AMPH: variants seen among roughly 807,000 people sequenced by gnomAD.
AMPH encodes the protein amphiphysin (Stiff-Mann syndrome with breast cancer 128kD autoantigen).
In AMPH, 49 loss-of-function variants were observed where a neutral mutation model predicts 99.1. The ratio of observed to expected loss-of-function variants is 0.49; its 90% CI spans 0.39 to 0.63. AMPH has a LOEUF of 0.63. Ranked by LOEUF, AMPH falls within the 20% of genes least tolerant of loss-of-function variation. The pLI is 0.00. For synonymous variants in AMPH, 314 were observed against 317.3 expected (o/e 0.99, Z 0.11); for missense variants, 759 against 863.4 (o/e 0.88, Z 1.52).
rs571116764 is a variant in AMPH at position 38,627,140 on chromosome 7, C to G, written c.69+4143G>C. ...GGCTCATGACTCAGGCCCAATTCAA[C>G]CAGTCCAACCCGTGGTCTTGGCCCT... On this transcript the variant is annotated intron_variant, in intron 1 of 20. Transcript: ENST00000356264. 1.7e-4 allele frequency among the ~76,000 whole-genome samples: 26 copies of G among 152,202 alleles called. No homozygotes were observed. The South Asian group carries it at 5.2e-3, about 30-fold the overall frequency.
chr7:38,476,753 G>T, intron 6 of AMPH, 109 bp downstream of exon 6: 1 of 711,786 alleles, frequency 1.4e-6, no homozygotes, highest in Non-Finnish European at 2.4e-6. Flanking sequence ...TTTAAATTCT[G>T]TTCAGATTCC....
chr7:38,616,259 A>G (rs1793869279), intron 1 of AMPH, among the ~76,000 whole-genome samples: 1 of 152,012 alleles, frequency 6.6e-6, no homozygotes, highest in Non-Finnish European at 1.5e-5. Context: ...TGTGAAATAT[A>G]TAAAGATAAA....
At chr7:38,528,434 T>C (rs1356344091) in intron 2 of AMPH, among the ~76,000 whole-genome samples, 1 of 152,190 alleles carries the variant, frequency 6.6e-6, no homozygotes, top group African/African-American at 2.4e-5. Context: ...ACTATTCAAA[T>C]TGTCTATTTC....
chr7:38,571,464 G>C (rs1792026872), intron 1 of AMPH, among the ~76,000 whole-genome samples: 2 of 116,520 alleles, frequency 1.7e-5, no homozygotes, highest in African/African-American at 6.7e-5. Context: ...AGAATATATG[G>C]AATATATTCT....
chr7:38,403,422 T>G (rs1409721617), intron 17 of AMPH, among the ~76,000 whole-genome samples: 1 of 152,208 alleles, frequency 6.6e-6, no homozygotes, highest in Admixed American at 6.5e-5. Context: ...AGAGCAGCAG[T>G]GGCCAGCTCC....
chr7:38,516,914 G>A (rs1217177540), intron 2 of AMPH, among the ~76,000 whole-genome samples: 2 of 152,198 alleles, frequency 1.3e-5, no homozygotes, highest in East Asian at 1.9e-4. Context: ...CTGCCTTGCT[G>A]GGTTTCAGAC....
intron 17 of AMPH, among the ~76,000 whole-genome samples, chr7:38,411,209 G>C (rs1054551941): frequency 2.0e-5 from 3 of 152,112 alleles, no homozygotes; most frequent in Non-Finnish European, 4.4e-5. Context: ...CCTATTTCAC[G>C]GGACTGCTGT....
At chr7:38,515,044 C>G (rs555047108) in intron 2 of AMPH, among the ~76,000 whole-genome samples, 80 of 152,166 alleles carry the variant, frequency 5.3e-4, no homozygotes, top group African/African-American at 1.8e-3. Flanking sequence ...TTAGAGATTA[C>G]TTAGGTGGTT....
In AMPH at chr7:38,628,737, T is replaced by C. The variant is rs553547956; in HGVS notation, c.69+2546A>G. 6.6e-5 allele frequency among the ~76,000 whole-genome samples: 10 copies of C among 152,358 alleles called. No individual in the cohort carries two copies. In the South Asian group the frequency reaches 1.5e-3, roughly 22 times the overall value. ...GTAAAATTTCCGAGTAGTAGAATTA[T>C]GTGCTTCGTAATTTGCTGGAGTTTT... On this transcript the variant is annotated intron_variant, in intron 1 of 20. Transcript: ENST00000356264.
At chr7:38,432,783 T>A (rs770495352) in intron 12 of AMPH, among the ~76,000 whole-genome samples, 1 of 152,128 alleles carries the variant, frequency 6.6e-6, no homozygotes, top group Non-Finnish European at 1.5e-5. Context: ...GAAAAATAGT[T>A]CTTCAATATG....
intron 3 of AMPH, among the ~76,000 whole-genome samples, chr7:38,502,046 C>A (rs1424221801): frequency 1.3e-5 from 2 of 152,072 alleles, no homozygotes; most frequent in Admixed American, 6.6e-5. Flanking sequence ...CTAATTTTCC[C>A]TTAGAGTTTT....
chr7:38,508,723 AT>A lies in AMPH; in HGVS notation c.151-5020del, dbSNP rs200205410. On this transcript the variant is annotated intron_variant, in intron 2 of 20. Coordinates refer to ENST00000356264, the MANE Select transcript of AMPH (RefSeq NM_001635.4). ...ATTATTATTTTTGGCCTTTGATGACATTTTTCTCTTGAAAATGGCTGAAGTA... is the reference window on the plus strand; with the variant it reads ...ATTATTATTTTTGGCCTTTGATGACATTTTCTCTTGAAAATGGCTGAAGTA... 1.3e-3 allele frequency among the ~76,000 whole-genome samples: 203 copies of A among 152,312 alleles called. 4 individuals are homozygous for A. In the East Asian group the frequency reaches 0.031, roughly 24 times the overall value.
chr7:38,490,912 C>T, intron 5 of AMPH, 138 bp downstream of exon 5: 4 of 570,070 alleles, frequency 7.0e-6, no homozygotes, highest in South Asian at 5.6e-5. Context: ...CATAAAAATC[C>T]CACGCTTAAA....
chr7:38,627,912 G>A (rs1052227693), intron 1 of AMPH, among the ~76,000 whole-genome samples: 3 of 152,064 alleles, frequency 2.0e-5, no homozygotes, highest in Non-Finnish European at 4.4e-5. Flanking sequence ...TCTGACACCT[G>A]CATGTAGCAG....
chr7:38,575,331 A>G (rs1023252258), intron 1 of AMPH, among the ~76,000 whole-genome samples: 4 of 149,210 alleles, frequency 2.7e-5, no homozygotes, highest in African/African-American at 1.0e-4. Context: ...ATGAATGTAG[A>G]AAATGGAGAA....
At chr7:38,486,885 C>T (rs932616273) in intron 5 of AMPH, among the ~76,000 whole-genome samples, 2 of 151,930 alleles carry the variant, frequency 1.3e-5, no homozygotes, top group African/African-American at 4.8e-5. Context: ...TATCCTTTCA[C>T]GATAAAATGC....
intron 1 of AMPH, among the ~76,000 whole-genome samples, chr7:38,551,282 C>T (rs1791171566): frequency 1.3e-5 from 2 of 152,190 alleles, no homozygotes; most frequent in South Asian, 4.1e-4. Flanking sequence ...AACCAATCTT[C>T]ACTTCTTCCT....
chr7:38,397,599 T>C (rs1049357810), intron 17 of AMPH, among the ~76,000 whole-genome samples: 1 of 152,208 alleles, frequency 6.6e-6, no homozygotes, highest in African/African-American at 2.4e-5. Flanking sequence ...GACACTGGAC[T>C]GGGTAAAGAT....
chr7:38,522,057 C>T (rs75336902), intron 2 of AMPH, among the ~76,000 whole-genome samples: 3,185 of 152,258 alleles, frequency 0.021, 123 homozygotes, highest in African/African-American at 0.072. Flanking sequence ...TGCTTGGGAT[C>T]TGTGGGGTCA....
Sources: gnomAD v4.1 joint callset for allele counts (sites outside exome capture counted in the v4.1 genomes callset) on GRCh38, gnomAD v4.1.1 for gene constraint, MANE v1.5 for transcripts, NCBI Gene and HGNC (gene_info 2026-07-23, HGNC 2026-07-21) for gene names.